The following SLC24A4 variants were observed in gnomAD, a reference collection of about 807,000 sequenced individuals.
The protein encoded by SLC24A4 is sodium/potassium/calcium exchanger 4.
SLC24A4 carries 53 observed loss-of-function variants against 79.0 expected under a neutral mutation model. The ratio of observed to expected loss-of-function variants is 0.67; its 90% CI spans 0.54 to 0.84. The LOEUF is 0.84. Ranked by LOEUF, SLC24A4 falls within the 40% of genes least tolerant of loss-of-function variation. SLC24A4 has a pLI of 0.00. For missense variants in SLC24A4, 731 were observed against 822.0 expected, an observed-to-expected ratio of 0.89 and a Z score of 1.35; for synonymous variants, 323 against 323.8, an observed-to-expected ratio of 1.00 and a Z score of 0.03.
At chr14:92,475,463 A>G (rs553204541) in intron 12 of SLC24A4, among the ~76,000 whole-genome samples, 91 of 152,334 alleles carry the variant, frequency 6.0e-4, no homozygotes, top group African/African-American at 2.1e-3. Flanking sequence ...TTCAAGTAGT[A>G]AGGCTATGGG....
intron 12 of SLC24A4, among the ~76,000 whole-genome samples, chr14:92,466,605 G>A (rs1186624290): frequency 6.6e-6 from 1 of 152,184 alleles, no homozygotes. Flanking sequence ...GGGAAGAAGA[G>A]ACTGGGAAAA....
chr14:92,452,947 T>C (rs1306853701), intron 10 of SLC24A4: 2 of 152,268 alleles, frequency 1.3e-5, no homozygotes. Context: ...CACCAGGAGC[T>C]GGTAACCAGT....
intron 12 of SLC24A4, among the ~76,000 whole-genome samples, chr14:92,458,400 C>A (rs1297034410): frequency 6.6e-6 from 1 of 152,190 alleles, no homozygotes; most frequent in Non-Finnish European, 1.5e-5. Context: ...CCTGGCATGC[C>A]CGCACACCTG....
chr14:92,425,625 A>G (rs1200788612), intron 2 of SLC24A4, among the ~76,000 whole-genome samples: 2 of 152,192 alleles, frequency 1.3e-5, no homozygotes, highest in Admixed American at 6.5e-5. Flanking sequence ...GTTGTTAACT[A>G]GCTGTGATGC....
At chr14:92,431,882 C>T (rs1305242671) in intron 2 of SLC24A4, among the ~76,000 whole-genome samples, 1 of 152,176 alleles carries the variant, frequency 6.6e-6, no homozygotes, top group Admixed American at 6.5e-5. Flanking sequence ...TTCCACTTGG[C>T]CAGACCGTCT....
intron 2 of SLC24A4, among the ~76,000 whole-genome samples, chr14:92,390,161 C>G (rs973779195): frequency 1.3e-5 from 2 of 152,230 alleles, no homozygotes; most frequent in East Asian, 3.9e-4. Flanking sequence ...GGCCTGTGTC[C>G]CCTCCAGAGC....
intron 2 of SLC24A4, among the ~76,000 whole-genome samples, chr14:92,332,536 G>A (rs1885540295): frequency 6.6e-6 from 1 of 152,154 alleles, no homozygotes; most frequent in Non-Finnish European, 1.5e-5. Context: ...ATTGTGGGGA[G>A]CACTTGAGAT....
At chr14:92,478,856 A>G (rs2139913643) in intron 12 of SLC24A4, among the ~76,000 whole-genome samples, 1 of 152,244 alleles carries the variant, frequency 6.6e-6, no homozygotes, top group East Asian at 1.9e-4. Context: ...TCATTTATTT[A>G]GGTCTTCTTT....
intron 2 of SLC24A4, among the ~76,000 whole-genome samples, chr14:92,392,186 G>A (rs1346362729): frequency 2.0e-5 from 3 of 151,300 alleles, no homozygotes; most frequent in African/African-American, 7.3e-5. Context: ...TCTGGGGTAA[G>A]GCAGGACTTC....
intron 2 of SLC24A4, among the ~76,000 whole-genome samples, chr14:92,432,152 T>C (rs569654000): frequency 3.0e-4 from 45 of 152,212 alleles, no homozygotes; most frequent in African/African-American, 1.1e-3. Context: ...ATTAAGGCCA[T>C]AGATGCCATT....
intron 2 of SLC24A4, among the ~76,000 whole-genome samples, chr14:92,346,330 G>A (rs12889269): frequency 1.3e-5 from 2 of 152,118 alleles, no homozygotes; most frequent in East Asian, 1.9e-4. Context: ...CAGTTTTTCC[G>A]TCTGTAAACT....
chr14:92,442,269 C>A, intron 5 of SLC24A4, 96 bp downstream of exon 5: 1 of 944,618 alleles, frequency 1.1e-6, no homozygotes. Flanking sequence ...CCTCAGTTTT[C>A]TCATCTGTAA....
intron 11 of SLC24A4, among the ~76,000 whole-genome samples, chr14:92,454,339 G>T (rs1308672466): frequency 1.3e-5 from 2 of 152,186 alleles, no homozygotes; most frequent in Admixed American, 6.5e-5. Context: ...AGGCCAGCCT[G>T]AAGTATGGAT....
intron 14 of SLC24A4, among the ~76,000 whole-genome samples, chr14:92,489,738 A>G (rs923527212): frequency 6.6e-6 from 1 of 152,156 alleles, no homozygotes; most frequent in Non-Finnish European, 1.5e-5. Flanking sequence ...AAGTCCTCAA[A>G]GGCTCACACA....
intron 7 of SLC24A4, among the ~76,000 whole-genome samples, chr14:92,444,920 TATACACACACATACACACAC>T (rs912227846): frequency 4.9e-5 from 6 of 123,310 alleles, no homozygotes; most frequent in Non-Finnish European, 9.6e-5. Context: ...ACACACCCTA[TATACACACACATACACACAC>T]ACACACACAC....
At chr14:92,450,591 T>C (rs1566776925) in intron 10 of SLC24A4, 2 of 152,316 alleles carry the variant, frequency 1.3e-5, no homozygotes, top group African/African-American at 2.4e-5. Context: ...GAAGGAGCCA[T>C]GAGGGCGGCT....
chr14:92,365,913 C>T (rs990220990), intron 2 of SLC24A4, among the ~76,000 whole-genome samples: 2 of 152,210 alleles, frequency 1.3e-5, no homozygotes, highest in Non-Finnish European at 1.5e-5. Flanking sequence ...CCTTCAAACA[C>T]CACTCCATGC....
At chr14:92,343,206 T>C (rs928924442) in intron 2 of SLC24A4, among the ~76,000 whole-genome samples, 4 of 152,218 alleles carry the variant, frequency 2.6e-5, no homozygotes, top group African/African-American at 9.6e-5. Context: ...GCAGACCCAA[T>C]TCCCCATTGT....
chr14:92,465,534 C>T (rs61977313), intron 12 of SLC24A4, among the ~76,000 whole-genome samples: 11,473 of 152,204 alleles, frequency 0.075, 587 homozygotes, highest in East Asian at 0.16. Context: ...CCAGTGGTCC[C>T]TGGAATGGGG....
Sources: gnomAD v4.1 joint callset for allele counts (sites outside exome capture counted in the v4.1 genomes callset) on GRCh38, gnomAD v4.1.1 for gene constraint, MANE v1.5 for transcripts, NCBI Gene and HGNC (gene_info 2026-07-23, HGNC 2026-07-21) for gene names.